The following LIMD1 variants were observed in gnomAD, a reference collection of about 807,000 sequenced individuals.
The protein encoded by LIMD1 is LIM domain-containing protein 1.
A neutral mutation model predicts 58.4 loss-of-function variants in LIMD1; 23 were observed. That is an observed-to-expected ratio of 0.39 (90% CI 0.28 to 0.56). LIMD1 has a LOEUF of 0.56. Ranked by LOEUF, LIMD1 falls within the 20% of genes least tolerant of loss-of-function variation. The pLI is 0.57. For synonymous variants in LIMD1, 334 were observed against 345.5 expected, an observed-to-expected ratio of 0.97 and a Z score of 0.37; for missense variants, 838 against 855.5, an observed-to-expected ratio of 0.98 and a Z score of 0.25.
In LIMD1 at chr3:45,595,774, G is replaced by A. The variant is rs565875181; in HGVS notation, c.895G>A (p.Ala299Thr). 3 of 1,614,090 alleles carry A rather than the reference G, an allele frequency of 1.9e-6. No individual in the cohort carries two copies. Among genetic ancestry groups the A allele is most frequent in the South Asian group, 1.1e-5 (1 of 91,084 alleles). The change falls in exon 1 of 8, where the codon GCA (alanine) becomes ACA (threonine). Residue 299 changes from alanine (A) to threonine (T), a missense_variant. Around this residue, in one of 3 missense-constraint regions of LIMD1, gnomAD observed 659 missense variants for 639.8 expected, o/e 1.03. Transcript: ENST00000273317. ...TCAGCCCAGGACCCCTTCTGTGTCAGCACCCTTGGCCCTGAGCTGCCCCAG... is the reference window on the plus strand; with the variant it reads ...TCAGCCCAGGACCCCTTCTGTGTCAACACCCTTGGCCCTGAGCTGCCCCAG... ...PVQPRTPSVS[A>T]PLALSCPRQG...
intron 2 of LIMD1, among the ~76,000 whole-genome samples, chr3:45,649,641 A>G (rs1363398757): frequency 2.0e-5 from 3 of 148,968 alleles, no homozygotes; most frequent in African/African-American, 7.4e-5. Flanking sequence ...AGATTGCACC[A>G]CTGCACTCCA....
chr3:45,674,256 T>G (rs954515120), intron 6 of LIMD1, 87 bp from the exon 7 acceptor site: 63 of 958,966 alleles, frequency 6.6e-5, no homozygotes, highest in Admixed American at 1.1e-4. Context: ...CCCAAAACCC[T>G]CTTCCCTCCC....
rs1384994120 is a variant in LIMD1, at chr3:45,596,177, C to G, written c.1298C>G (p.Pro433Arg). ...SSPRVRLPCQPLVPGPELRPS... is the reference protein window; with the variant it reads ...SSPRVRLPCQRLVPGPELRPS... ...CCTAGGGTAAGGCTGCCCTGCCAGC[C>G]CCTCGTCCCAGGTCCTGAGCTGAGA... The change falls in exon 1 of 8, where the codon CCC becomes CGC. Residue 433 changes from proline (P) to arginine (R), a missense_variant. Pro to Arg is a moderately radical substitution (Grantham distance 103). Coordinates refer to ENST00000273317, the MANE Select transcript of LIMD1 (RefSeq NM_014240.3). The G allele has an allele frequency of 1.9e-6, 3 of 1,614,010 alleles. No individual in the cohort carries two copies. The South Asian group carries it at 3.3e-5, about 18-fold the overall frequency.
Position 45,595,541 on chromosome 3 carries a change from C to T in LIMD1, c.662C>T (p.Pro221Leu), listed in dbSNP as rs1701337172. The change falls in exon 1 of 8, where the codon CCC becomes CTC. Residue 221 changes from proline to leucine, a missense_variant. Transcript: ENST00000273317. ...SPGSDPPLPK[P>L]CGDHPLNHRQ... is the part of the protein sequence containing the mutation. ...GGGAGTGACCCACCACTGCCCAAACCCTGCGGGGACCATCCCCTAAATCAC... is the reference window on the plus strand; with the variant it reads ...GGGAGTGACCCACCACTGCCCAAACTCTGCGGGGACCATCCCCTAAATCAC... The T allele has an allele frequency of 6.2e-7, 1 of 1,614,062 alleles. No individual in the cohort carries two copies. Among genetic ancestry groups the T allele is most frequent in the Non-Finnish European group, 8.5e-7 (1 of 1,180,022 alleles).
intron 1 of LIMD1, among the ~76,000 whole-genome samples, chr3:45,628,423 A>G (rs1033794266): frequency 6.6e-6 from 1 of 152,248 alleles, no homozygotes; most frequent in African/African-American, 2.4e-5. Context: ...ATCAGTTACT[A>G]GAGAGATGCA....
chr3:45,601,252 C>A (rs1014731321), intron 1 of LIMD1, among the ~76,000 whole-genome samples: 3 of 152,156 alleles, frequency 2.0e-5, no homozygotes, highest in African/African-American at 7.2e-5. Context: ...TGGGACCTGA[C>A]CCCGCAGGGA....
chr3:45,630,043 C>T (rs1217167301), intron 1 of LIMD1, among the ~76,000 whole-genome samples: 1 of 152,186 alleles, frequency 6.6e-6, no homozygotes, highest in East Asian at 1.9e-4. Context: ...AGTCTAATTG[C>T]AGAGGAAAAA....
chr3:45,630,712 G>T (rs1701719177), intron 1 of LIMD1, among the ~76,000 whole-genome samples: 1 of 151,020 alleles, frequency 6.6e-6, no homozygotes, highest in Admixed American at 6.6e-5. Flanking sequence ...CCCTCATGAT[G>T]GGGGGGGTTG....
intron 2 of LIMD1, among the ~76,000 whole-genome samples, chr3:45,645,728 T>TGACTGTA (rs1701898435): frequency 2.6e-5 from 4 of 152,128 alleles, no homozygotes; most frequent in African/African-American, 7.2e-5. Flanking sequence ...ACTCCTCAGG[T>TGACTGTA]TTCTGTGGCC....
In LIMD1 at chr3:45,595,735, G is replaced by A; in HGVS notation, c.856G>A (p.Ala286Thr). 1 of 1,614,126 alleles carries A rather than the reference G, an allele frequency of 6.2e-7. No homozygotes were observed. Among genetic ancestry groups the A allele is most frequent in the Admixed American group, 1.7e-5 (1 of 60,030 alleles). The change falls in exon 1 of 8, where the codon GCT becomes ACT. Residue 286 changes from alanine (A) to threonine (T), a missense_variant. Coordinates refer to ENST00000273317, the MANE Select transcript of LIMD1 (RefSeq NM_014240.3). The part of the protein sequence containing the change: ...PSPNLENGAP[A>T]VGPVQPRTPS... Reference sequence around the variant, plus strand: ...CCCAAACTTGGAGAACGGAGCACCAGCTGTGGGGCCTGTTCAGCCCAGGAC... The same window carrying A: ...CCCAAACTTGGAGAACGGAGCACCAACTGTGGGGCCTGTTCAGCCCAGGAC...
intron 2 of LIMD1, among the ~76,000 whole-genome samples, chr3:45,657,905 G>T (rs1697361058): frequency 6.6e-6 from 1 of 152,168 alleles, no homozygotes; most frequent in East Asian, 1.9e-4. Context: ...TTTTATTTCT[G>T]CCCGACTCTT....
Position 45,628,768 on chromosome 3 carries a change from C to T in LIMD1, c.1409-7382C>T, listed in dbSNP as rs114127600. Among the ~76,000 whole-genome samples the T allele has an allele frequency of 5.1e-3, 772 of 152,284 alleles. 9 individuals are homozygous for T. Among genetic ancestry groups the T allele is most frequent in the African/African-American group, 0.017 (690 of 41,546 alleles). The stretch of plus-strand genomic sequence containing the variant: ...CAAACTGGAAACAACTTATGTGCAT[C>T]AACAAGCAAATGGATAAACAAACTA... On this transcript the variant is annotated intron_variant, in intron 1 of 7. Transcript: ENST00000273317.
Position 45,686,051 on chromosome 3 carries a change from C to T in LIMD1, c.*8992C>T, listed in dbSNP as rs930448585. ...GATAAGATACTGTGGCAAGCTATAT[C>T]CGCAATTCCCAGGAATTCGTCTGAT... On this transcript the variant is annotated 3_prime_UTR_variant, in exon 8 of 8. Coordinates refer to ENST00000273317, the MANE Select transcript of LIMD1 (RefSeq NM_014240.3). 2 of 152,206 alleles carry T rather than the reference C, an allele frequency of 1.3e-5. No individual in the cohort carries two copies. Among genetic ancestry groups the T allele is most frequent in the African/African-American group, 4.8e-5 (2 of 41,448 alleles). 9.4% of individuals were successfully genotyped at this position (152,206 alleles called of 1,614,324 possible).
chr3:45,635,361 A>G (rs1385618726), intron 1 of LIMD1, among the ~76,000 whole-genome samples: 1 of 152,092 alleles, frequency 6.6e-6, no homozygotes, highest in Non-Finnish European at 1.5e-5. Context: ...TGAAAGCCTC[A>G]GGACTTGAGT....
At chr3:45,625,930 C>T (rs1392535854) in intron 1 of LIMD1, among the ~76,000 whole-genome samples, 1 of 152,150 alleles carries the variant, frequency 6.6e-6, no homozygotes, top group Non-Finnish European at 1.5e-5. Flanking sequence ...AGAGCCCTGC[C>T]CTGGCTTATT....
At chr3:45,633,208 C>G (rs974626057) in intron 1 of LIMD1, among the ~76,000 whole-genome samples, 1 of 152,166 alleles carries the variant, frequency 6.6e-6, no homozygotes, top group African/African-American at 2.4e-5. Flanking sequence ...CCACCCTCCC[C>G]TCCACAGGCA....
intron 1 of LIMD1, among the ~76,000 whole-genome samples, chr3:45,622,187 T>C (rs1055563044): frequency 6.6e-6 from 1 of 152,204 alleles, no homozygotes; most frequent in Non-Finnish European, 1.5e-5. Flanking sequence ...CTACTCCCAC[T>C]AGCTGTCACT....
intron 1 of LIMD1, among the ~76,000 whole-genome samples, chr3:45,622,424 T>C (rs78278551): frequency 1.3e-5 from 2 of 152,212 alleles, no homozygotes; most frequent in Non-Finnish European, 2.9e-5. Flanking sequence ...TGTACACACA[T>C]ACCTATGATA....
intron 2 of LIMD1, among the ~76,000 whole-genome samples, chr3:45,643,691 G>T (rs901999205): frequency 6.6e-6 from 1 of 152,154 alleles, no homozygotes; most frequent in African/African-American, 2.4e-5. Flanking sequence ...TACTCTCCCC[G>T]CCAGAAGCCC....
Sources: allele counts gnomAD v4.1 joint callset (sites outside exome capture counted in the v4.1 genomes callset), GRCh38; gene constraint gnomAD v4.1.1; regional missense constraint gnomAD v4.1.1; transcripts MANE v1.5; gene names NCBI Gene and HGNC (gene_info 2026-07-23, HGNC 2026-07-21).